NETO1: variants seen among roughly 807,000 people sequenced by gnomAD.
NETO1 encodes the protein neuropilin and tolloid-like protein 1.
In NETO1, 26 loss-of-function variants were observed where a neutral mutation model predicts 61.3. That is an observed-to-expected ratio of 0.42 (90% CI 0.31 to 0.59). NETO1 has a LOEUF of 0.59. Among genes scored for constraint, NETO1 ranks in the 20% least tolerant of loss-of-function variants. The probability of loss-of-function intolerance (pLI) is 0.12; values close to 1 mark genes in which losing one functional copy is unlikely to be tolerated. For synonymous variants in NETO1, 225 were observed against 225.8 expected (o/e 1.00, Z 0.03); for missense variants, 531 against 662.8 (o/e 0.80, Z 2.18).
intron 4 of NETO1, among the ~76,000 whole-genome samples, chr18:72,846,831 G>C (rs1202561834): frequency 6.6e-6 from 1 of 152,182 alleles, no homozygotes; most frequent in African/African-American, 2.4e-5. Context: ...CTCTGTTTTA[G>C]ATCTTACTTA....
intron 8 of NETO1, among the ~76,000 whole-genome samples, chr18:72,754,854 G>A (rs2145099656): frequency 6.6e-6 from 1 of 152,224 alleles, no homozygotes; most frequent in Admixed American, 6.5e-5. Context: ...GACATAACAG[G>A]CATCTATACA....
chr18:72,814,594 A>G (rs1420140552), intron 4 of NETO1, among the ~76,000 whole-genome samples: 2 of 152,162 alleles, frequency 1.3e-5, no homozygotes, highest in Non-Finnish European at 2.9e-5. Context: ...ACTGGACTAG[A>G]ACACAAATCT....
chr18:72,815,340 C>G (rs1424468251), intron 4 of NETO1, among the ~76,000 whole-genome samples: 2 of 152,136 alleles, frequency 1.3e-5, no homozygotes, highest in Non-Finnish European at 2.9e-5. Context: ...TCAACCTCCA[C>G]ATGACACCAG....
intron 4 of NETO1, among the ~76,000 whole-genome samples, chr18:72,835,684 C>T (rs1459155912): frequency 1.3e-5 from 2 of 152,130 alleles, no homozygotes; most frequent in African/African-American, 4.8e-5. Context: ...AAAGCATTAC[C>T]TTCTTGCAAA....
At position 72,841,733 on chromosome 18, in the gene NETO1, CAACAAA is replaced by C. The variant is rs1391557001; in HGVS notation, c.469+17087_469+17092del. Among the ~76,000 whole-genome samples the C allele has an allele frequency of 3.2e-4, 23 of 71,004 alleles. 2 individuals carry two copies. The highest frequency in any genetic ancestry group is 2.1e-3 in the Admixed American group (10 of 4,790). 46.6% of individuals were successfully genotyped at this position (71,004 alleles called of 152,430 possible). A position where few individuals can be genotyped will look rare whatever the true frequency, so the allele number is the denominator to read the frequency against. On this transcript the variant is annotated intron_variant, in intron 4 of 10. Transcript: ENST00000327305. ...TGGGAGACAGAGTGAGACTCTACCT[CAACAAA>C]AAAAAAAAAAAAAAAAAAGTCACTT...
chr18:72,813,051 G>C (rs1048704245), intron 4 of NETO1, among the ~76,000 whole-genome samples: 8 of 152,328 alleles, frequency 5.3e-5, no homozygotes, highest in African/African-American at 1.7e-4. Context: ...CCATGAAGCT[G>C]AAACAGGGAG....
Position 72,830,966 on chromosome 18 carries a change from T to G in NETO1, c.469+27860A>C, listed in dbSNP as rs1428781237. Reference sequence around the variant, plus strand: ...ATGCCTTCTGACTGCAAAATCTTCTTGATGAGGTATACTATTACCTCATCA... The same window carrying G: ...ATGCCTTCTGACTGCAAAATCTTCTGGATGAGGTATACTATTACCTCATCA... On this transcript the variant is annotated intron_variant, in intron 4 of 10. Coordinates refer to ENST00000327305, the MANE Select transcript of NETO1 (RefSeq NM_138966.5). The surrounding 1 kb of genome is among the most constrained non-coding windows in gnomAD (Gnocchi z 4.9). Among the ~76,000 whole-genome samples, 3 of 152,166 alleles carry G rather than the reference T, an allele frequency of 2.0e-5. No individual in the cohort carries two copies. Among genetic ancestry groups the G allele is most frequent in the African/African-American group, 7.2e-5 (3 of 41,438 alleles).
chr18:72,774,671 T>C (rs12954952), intron 7 of NETO1, among the ~76,000 whole-genome samples: 45,711 of 152,116 alleles, frequency 0.3, 8,031 homozygotes, highest in South Asian at 0.48. Flanking sequence ...TCTTCATCTA[T>C]GAAACTAAAT....
intron 4 of NETO1, among the ~76,000 whole-genome samples, chr18:72,853,569 C>G (rs139989388): frequency 0.032 from 4,803 of 151,954 alleles, 268 homozygotes; most frequent in African/African-American, 0.11. Flanking sequence ...ACTGGTCTGG[C>G]CAACATGGTG....
intron 4 of NETO1, among the ~76,000 whole-genome samples, chr18:72,818,682 T>C (rs904059338): frequency 2.6e-5 from 4 of 152,226 alleles, no homozygotes; most frequent in Non-Finnish European, 4.4e-5. Context: ...GATGTTATGA[T>C]TGGCTTCATA....
At chr18:72,769,833 T>C (rs779681345) in intron 7 of NETO1, among the ~76,000 whole-genome samples, 3 of 152,122 alleles carry the variant, frequency 2.0e-5, no homozygotes, top group Admixed American at 1.3e-4. Context: ...AAAGAGTATA[T>C]GTACATTCCC....
chr18:72,754,692 G>C (rs1205173897), intron 8 of NETO1, among the ~76,000 whole-genome samples: 1 of 152,042 alleles, frequency 6.6e-6, no homozygotes, highest in Non-Finnish European at 1.5e-5. Context: ...TTTTACAGAA[G>C]TGAAGAGAGA....
chr18:72,822,745 A>G (rs1009786140), intron 4 of NETO1, among the ~76,000 whole-genome samples: 2 of 152,202 alleles, frequency 1.3e-5, no homozygotes, highest in Non-Finnish European at 1.5e-5. Context: ...TGCGGTAGAC[A>G]CTGTTCTGTA....
intron 7 of NETO1, among the ~76,000 whole-genome samples, chr18:72,767,515 T>C (rs1197058332): frequency 1.3e-5 from 2 of 152,214 alleles, no homozygotes; most frequent in Admixed American, 1.3e-4. Flanking sequence ...CTTAAGATAC[T>C]TGTTTTGGTC....
intron 6 of NETO1, among the ~76,000 whole-genome samples, chr18:72,792,572 C>A (rs941536059): frequency 2.0e-5 from 3 of 151,756 alleles, no homozygotes; most frequent in African/African-American, 7.3e-5. Context: ...ACTGGAATTA[C>A]CGCCACAGCT....
chr18:72,827,859 G>T (rs901748769), intron 4 of NETO1, among the ~76,000 whole-genome samples: 2 of 152,130 alleles, frequency 1.3e-5, no homozygotes, highest in African/African-American at 4.8e-5. Flanking sequence ...CTTTGGAAAA[G>T]AACTCCAAAG....
chr18:72,836,607 G>T (rs2073756885), intron 4 of NETO1, among the ~76,000 whole-genome samples: 1 of 152,152 alleles, frequency 6.6e-6, no homozygotes, highest in Admixed American at 6.6e-5. Flanking sequence ...TCACAGGCAG[G>T]ATAAACATAA....
intron 7 of NETO1, among the ~76,000 whole-genome samples, chr18:72,775,970 G>A (rs903867699): frequency 1.3e-5 from 2 of 151,910 alleles, no homozygotes; most frequent in South Asian, 2.1e-4. Flanking sequence ...AGAGATATTA[G>A]GATATTATCA....
At chr18:72,827,766 T>C (rs915955512) in intron 4 of NETO1, among the ~76,000 whole-genome samples, 1 of 151,454 alleles carries the variant, frequency 6.6e-6, no homozygotes, top group African/African-American at 2.4e-5. Flanking sequence ...TACAGGAAAT[T>C]GTCCTTGCTG....
Sources: gnomAD v4.1 joint callset for allele counts (sites outside exome capture counted in the v4.1 genomes callset) on GRCh38, gnomAD v4.1.1 for gene constraint, Gnocchi (gnomAD v3.1) non-coding constraint, MANE v1.5 for transcripts, NCBI Gene and HGNC (gene_info 2026-07-23, HGNC 2026-07-21) for gene names.